Variants in FAT3 observed in about 807,000 individuals in gnomAD.
The protein encoded by FAT3 is protocadherin Fat 3.
In FAT3, 95 loss-of-function variants were observed where a neutral mutation model predicts 310.2. The ratio of observed to expected loss-of-function variants is 0.31; its 90% CI spans 0.26 to 0.36. The LOEUF (loss-of-function observed/expected upper bound fraction) is 0.36. Among genes scored for constraint, FAT3 ranks in the 10% least tolerant of loss-of-function variants. The probability of loss-of-function intolerance (pLI) is 1.00; values close to 1 mark genes in which losing one functional copy is unlikely to be tolerated. For synonymous variants in FAT3, 2,314 were observed against 2,192.9 expected, an observed-to-expected ratio of 1.06 and a Z score of -1.54; for missense variants, 5,408 against 5,715.6, an observed-to-expected ratio of 0.95 and a Z score of 1.74.
intron 3 of FAT3, among the ~76,000 whole-genome samples, chr11:92,651,423 A>G (rs900390136): frequency 1.3e-5 from 2 of 152,186 alleles, no homozygotes; most frequent in Non-Finnish European, 2.9e-5. Context: ...AGTATGGAAC[A>G]TGCTTTCCTG....
At position 92,692,506 on chromosome 11, in the gene FAT3, C is replaced by A. The variant is rs75859209; in HGVS notation, c.3608-4878C>A. On this transcript the variant is annotated intron_variant, in intron 3 of 27. Coordinates refer to ENST00000525166, the MANE Select transcript of FAT3 (RefSeq NM_001367949.2). ...TTCAAAAAATTGAGGAGGCATTGAT[C>A]TAAGTTGTGGGCTTAGTTGTGTTTA... 7.1e-3 allele frequency among the ~76,000 whole-genome samples: 1,089 copies of A among 152,322 alleles called. 16 individuals are homozygous for A. The highest frequency in any genetic ancestry group is 0.024 in the African/African-American group (982 of 41,570).
At chr11:92,757,012 C>A (rs1036575042) in intron 4 of FAT3, among the ~76,000 whole-genome samples, 4 of 150,876 alleles carry the variant, frequency 2.7e-5, no homozygotes, top group Admixed American at 6.6e-5. Flanking sequence ...GCAACCTCCG[C>A]CTCCCGGGTT....
intron 3 of FAT3, among the ~76,000 whole-genome samples, chr11:92,610,317 C>T (rs1591517602): frequency 6.6e-6 from 1 of 152,148 alleles, no homozygotes; most frequent in African/African-American, 2.4e-5. Context: ...TTTTTAGACA[C>T]AACCAGGACT....
chr11:92,840,080 T>C (rs1565639662), intron 17 of FAT3, among the ~76,000 whole-genome samples: 1 of 152,160 alleles, frequency 6.6e-6, no homozygotes, highest in East Asian at 1.9e-4. Context: ...GTATATTGAC[T>C]AGGAAGTTGC....
Position 92,866,872 on chromosome 11 carries a change from C to G in FAT3, c.11790C>G (p.Ser3930Arg), listed in dbSNP as rs1227517405. Residue 3930 changes from serine (S) to arginine (R), a missense_variant, in exon 22 of 28, where the codon AGC becomes AGG. Physicochemically the swap from Ser to Arg is moderately radical, Grantham distance 110. Transcript: ENST00000525166. ...TGGAGCTCAACCGCAATTTCACGAGCCTGTCCCTGGATGACAGCTACGTGG... is the reference window on the plus strand; with the variant it reads ...TGGAGCTCAACCGCAATTTCACGAGGCTGTCCCTGGATGACAGCTACGTGG... ...VFLELNRNFT[S>R]LSLDDSYVER... The G allele has an allele frequency of 1.9e-6, 3 of 1,614,000 alleles. No homozygotes were observed. Among genetic ancestry groups the G allele is most frequent in the East Asian group, 2.2e-5 (1 of 44,874 alleles).
At chr11:92,544,932 C>G (rs1262231291) in intron 3 of FAT3, among the ~76,000 whole-genome samples, 1 of 152,194 alleles carries the variant, frequency 6.6e-6, no homozygotes, top group African/African-American at 2.4e-5. Flanking sequence ...CTGTTGGAGG[C>G]ATGTGTTGAT....
rs199933253 is a variant in FAT3, at chr11:92,271,204, A to G, written c.-18+46030A>G. Among the ~76,000 whole-genome samples the G allele has an allele frequency of 1.4e-3, 212 of 152,188 alleles. 2 individuals carry two copies. The highest frequency in any genetic ancestry group is 0.011 in the South Asian group (54 of 4,830). The stretch of plus-strand genomic sequence containing the variant: ...GGCTTCCCATGAAGACCAGTGTGAC[A>G]TGTAGACTCCTTACTTTAGCCTCAA... On this transcript the variant is annotated intron_variant, in intron 1 of 27. Transcript: ENST00000525166.
At chr11:92,886,089 C>A (rs569249778) in intron 24 of FAT3, among the ~76,000 whole-genome samples, 2 of 152,348 alleles carry the variant, frequency 1.3e-5, no homozygotes, top group Non-Finnish European at 2.9e-5. Context: ...CTGGTGATCA[C>A]TGCCCTCACT....
At chr11:92,528,984 T>C (rs1318120652) in intron 3 of FAT3, among the ~76,000 whole-genome samples, 1 of 152,212 alleles carries the variant, frequency 6.6e-6, no homozygotes, top group Non-Finnish European at 1.5e-5. Flanking sequence ...AAGGCAGCCA[T>C]GTCTTGCCTT....
At chr11:92,258,581 A>T (rs1165367384) in intron 1 of FAT3, among the ~76,000 whole-genome samples, 1 of 151,958 alleles carries the variant, frequency 6.6e-6, no homozygotes, top group Non-Finnish European at 1.5e-5. Context: ...TGTGTGGAGG[A>T]TGGTAGTTGG....
chr11:92,520,377 T>C (rs1953642183), intron 2 of FAT3, among the ~76,000 whole-genome samples: 1 of 152,098 alleles, frequency 6.6e-6, no homozygotes, highest in Admixed American at 6.6e-5. Flanking sequence ...AGAGGCTACT[T>C]TGGAGGATGA....
At chr11:92,710,690 A>T (rs1034465580) in intron 4 of FAT3, among the ~76,000 whole-genome samples, 2 of 152,222 alleles carry the variant, frequency 1.3e-5, no homozygotes, top group Admixed American at 1.3e-4. Context: ...GAAGAATTAC[A>T]AATATCTCTG....
At chr11:92,438,292 A>G (rs553618052) in intron 2 of FAT3, among the ~76,000 whole-genome samples, 3 of 152,348 alleles carry the variant, frequency 2.0e-5, no homozygotes, top group African/African-American at 4.8e-5. Context: ...CTAAAATATT[A>G]GAATAGTGTG....
At chr11:92,691,512 C>T (rs1943798478) in intron 3 of FAT3, among the ~76,000 whole-genome samples, 2 of 152,062 alleles carry the variant, frequency 1.3e-5, no homozygotes, top group African/African-American at 4.8e-5. Flanking sequence ...CCTCCCACTT[C>T]AGCCTCCCAA....
intron 1 of FAT3, among the ~76,000 whole-genome samples, chr11:92,257,804 C>T (rs1168030101): frequency 1.3e-5 from 2 of 152,072 alleles, no homozygotes; most frequent in East Asian, 3.9e-4. Flanking sequence ...TTTTAATGAA[C>T]AATATAACCT....
chr11:92,680,852 C>G (rs1322040174), intron 3 of FAT3, among the ~76,000 whole-genome samples: 2 of 152,208 alleles, frequency 1.3e-5, no homozygotes, highest in Admixed American at 1.3e-4. Flanking sequence ...AGCAGGGAGG[C>G]TTGGTACTGA....
intron 1 of FAT3, among the ~76,000 whole-genome samples, chr11:92,299,607 G>A (rs1235387608): frequency 6.6e-6 from 1 of 152,114 alleles, no homozygotes; most frequent in African/African-American, 2.4e-5. Flanking sequence ...GTGGGTCACA[G>A]AGAATGGGTG....
intron 2 of FAT3, among the ~76,000 whole-genome samples, chr11:92,458,717 T>A (rs1011095416): frequency 9.2e-5 from 14 of 152,174 alleles, no homozygotes; most frequent in African/African-American, 3.4e-4. Flanking sequence ...GGTGAGCTTT[T>A]ATAGCCTGTA....
chr11:92,387,119 G>T (rs1949644153), intron 2 of FAT3, among the ~76,000 whole-genome samples: 1 of 145,862 alleles, frequency 6.9e-6, no homozygotes, highest in South Asian at 2.2e-4. Flanking sequence ...TGTAACAGAG[G>T]GAAGGAACGT....
Sources: allele counts gnomAD v4.1 joint callset (sites outside exome capture counted in the v4.1 genomes callset), GRCh38; gene constraint gnomAD v4.1.1; transcripts MANE v1.5; gene names NCBI Gene and HGNC (gene_info 2026-07-23, HGNC 2026-07-21).